Variants in MBD5 observed in about 807,000 individuals in gnomAD.
MBD5 encodes the protein methyl-CpG-binding domain protein 5.
A neutral mutation model predicts 117.3 loss-of-function variants in MBD5; 13 were observed. The observed-to-expected ratio is 0.11, with a 90% CI of 0.07 to 0.18. The LOEUF is 0.18. MBD5 is among the 10% of genes least tolerant of loss of function. The pLI, the probability that MBD5 is intolerant of heterozygous loss-of-function variation, is 1.00. For missense variants in MBD5, 1,879 were observed against 2,093.8 expected, an observed-to-expected ratio of 0.90 and a Z score of 2.00; for synonymous variants, 727 against 766.4, an observed-to-expected ratio of 0.95 and a Z score of 0.85.
intron 4 of MBD5, among the ~76,000 whole-genome samples, chr2:148,390,507 G>A (rs1330529115): frequency 1.5e-5 from 2 of 133,766 alleles, no homozygotes; most frequent in African/African-American, 5.3e-5. Flanking sequence ...ATATGTGTGT[G>A]TATGTATATA....
intron 4 of MBD5, among the ~76,000 whole-genome samples, chr2:148,365,541 T>C (rs972476107): frequency 6.6e-6 from 1 of 152,126 alleles, no homozygotes; most frequent in African/African-American, 2.4e-5. Context: ...ATTGAGGAGC[T>C]GATTTTTTGA....
chr2:148,224,781 T>C (rs1237421150), intron 2 of MBD5, among the ~76,000 whole-genome samples: 1 of 152,204 alleles, frequency 6.6e-6, no homozygotes, highest in African/African-American at 2.4e-5. Flanking sequence ...TGTTTTGTTT[T>C]TTTGCTGAAT....
At chr2:148,361,819 C>A (rs1703543283) in intron 4 of MBD5, among the ~76,000 whole-genome samples, 1 of 152,042 alleles carries the variant, frequency 6.6e-6, no homozygotes, top group Non-Finnish European at 1.5e-5. Context: ...ACTGAGGTAC[C>A]CAGCTCATCT....
intron 4 of MBD5, among the ~76,000 whole-genome samples, chr2:148,420,895 G>A (rs755659675): frequency 2.6e-5 from 4 of 151,850 alleles, no homozygotes; most frequent in Non-Finnish European, 4.4e-5. Flanking sequence ...CCCAGCTAAC[G>A]TTTTTGTATT....
Position 148,406,445 on chromosome 2 carries a change from A to G in MBD5, c.-556-51758A>G, listed in dbSNP as rs191183460. Among the ~76,000 whole-genome samples, 339 of 152,298 alleles carry G rather than the reference A, an allele frequency of 2.2e-3. 5 individuals are homozygous for G. The highest frequency in any genetic ancestry group is 0.02 in the Admixed American group (301 of 15,296). On this transcript the variant is annotated intron_variant, in intron 4 of 13. Coordinates refer to ENST00000642680, the MANE Select transcript of MBD5 (RefSeq NM_001378120.1). Reference sequence around the variant, plus strand: ...GCATCCAAAATTTCATCAGATTGTCAGCTTTTATCACAAAGACTTCCAGCA... The same window carrying G: ...GCATCCAAAATTTCATCAGATTGTCGGCTTTTATCACAAAGACTTCCAGCA...
At chr2:148,505,164 G>C (rs747179762) in intron 12 of MBD5, among the ~76,000 whole-genome samples, 17 of 152,114 alleles carry the variant, frequency 1.1e-4, no homozygotes, top group Non-Finnish European at 2.4e-4. Flanking sequence ...GTAAAGGAAA[G>C]GGAACAAAAT....
intron 1 of MBD5, among the ~76,000 whole-genome samples, chr2:148,119,473 G>C (rs538946081): frequency 1.3e-5 from 2 of 152,108 alleles, no homozygotes; most frequent in South Asian, 4.1e-4. Flanking sequence ...CCTTCTTGAT[G>C]GTGTTCTATG....
At chr2:148,505,087 A>G (rs1681990974) in intron 12 of MBD5, among the ~76,000 whole-genome samples, 1 of 152,144 alleles carries the variant, frequency 6.6e-6, no homozygotes, top group Non-Finnish European at 1.5e-5. Flanking sequence ...AGGATGGAAA[A>G]GAAGGAATGT....
At chr2:148,206,231 A>C (rs928390622) in intron 2 of MBD5, among the ~76,000 whole-genome samples, 1 of 152,186 alleles carries the variant, frequency 6.6e-6, no homozygotes, top group African/African-American at 2.4e-5. Flanking sequence ...TAACAGAATG[A>C]AGAACAATTC....
chr2:148,508,269 C>T (rs1034578391), intron 12 of MBD5, among the ~76,000 whole-genome samples: 3 of 152,056 alleles, frequency 2.0e-5, no homozygotes, highest in East Asian at 1.9e-4. Context: ...AAAAGGAAGA[C>T]AGTACATACA....
intron 1 of MBD5, among the ~76,000 whole-genome samples, chr2:148,034,364 G>C (rs553706682): frequency 1.3e-5 from 2 of 152,120 alleles, no homozygotes; most frequent in East Asian, 1.9e-4. Context: ...GTATTCCAAG[G>C]TCCTCTAGTT....
At chr2:148,252,816 C>G (rs1453335807) in intron 3 of MBD5, among the ~76,000 whole-genome samples, 1 of 152,070 alleles carries the variant, frequency 6.6e-6, no homozygotes, top group Non-Finnish European at 1.5e-5. Flanking sequence ...TCCCAAAGTG[C>G]TGAGATTGCA....
chr2:148,409,992 A>G (rs576115502), intron 4 of MBD5, among the ~76,000 whole-genome samples: 5 of 152,314 alleles, frequency 3.3e-5, no homozygotes, highest in Admixed American at 1.3e-4. Flanking sequence ...CTAATGTTCA[A>G]TGCTACCAAG....
chr2:148,408,942 G>T (rs368890127), intron 4 of MBD5, among the ~76,000 whole-genome samples: 1 of 152,040 alleles, frequency 6.6e-6, no homozygotes. Flanking sequence ...GGATATGGGA[G>T]CATGGACATA....
intron 1 of MBD5, among the ~76,000 whole-genome samples, chr2:148,107,218 A>G (rs1465021034): frequency 6.6e-6 from 1 of 152,050 alleles, no homozygotes; most frequent in Non-Finnish European, 1.5e-5. Flanking sequence ...TGTGTTGAAG[A>G]TATTATTTTA....
intron 4 of MBD5, among the ~76,000 whole-genome samples, chr2:148,442,207 G>A (rs1355429814): frequency 2.6e-5 from 4 of 151,346 alleles, no homozygotes; most frequent in Admixed American, 2.6e-4. Context: ...ACTGTATTTT[G>A]TACTTCCTTA....
At chr2:148,510,788 G>A (rs1250878223) in intron 13 of MBD5, among the ~76,000 whole-genome samples, 3 of 152,184 alleles carry the variant, frequency 2.0e-5, no homozygotes, top group Non-Finnish European at 4.4e-5. Flanking sequence ...GATTAGTATA[G>A]GTTTTAGAGA....
intron 8 of MBD5, among the ~76,000 whole-genome samples, chr2:148,478,834 C>G (rs1391864280): frequency 6.6e-6 from 1 of 152,160 alleles, no homozygotes; most frequent in Non-Finnish European, 1.5e-5. Context: ...AGGATCCCAG[C>G]TGCCTTTTGG....
intron 4 of MBD5, among the ~76,000 whole-genome samples, chr2:148,398,003 A>G (rs1002851920): frequency 6.6e-6 from 1 of 152,200 alleles, no homozygotes; most frequent in African/African-American, 2.4e-5. Flanking sequence ...TTATGGATAC[A>G]TAGTATTCCA....
Sources: gnomAD v4.1 joint callset for allele counts (sites outside exome capture counted in the v4.1 genomes callset) on GRCh38, gnomAD v4.1.1 for gene constraint, MANE v1.5 for transcripts, NCBI Gene and HGNC (gene_info 2026-07-23, HGNC 2026-07-21) for gene names.